The following GDAP1 variants were observed in gnomAD, a reference collection of about 807,000 sequenced individuals.
The protein encoded by GDAP1 is ganglioside induced differentiation associated protein 1, also known as ganglioside-induced differentiation-associated protein 1.
A neutral mutation model predicts 40.1 loss-of-function variants in GDAP1; 34 were observed. The ratio of observed to expected loss-of-function variants is 0.85; its 90% CI spans 0.64 to 1.13. The LOEUF is 1.13. Ranked by LOEUF, GDAP1 falls within the 50% of genes most tolerant of loss-of-function variation. GDAP1 has a pLI of 0.00. For missense variants in GDAP1, 374 were observed against 433.7 expected (o/e 0.86, Z 1.22); for synonymous variants, 170 against 157.4 (o/e 1.08, Z -0.60).
At chr8:74,419,469 C>G (rs931924821) in intron 2 of GDAP1, among the ~76,000 whole-genome samples, 3 of 152,094 alleles carry the variant, frequency 2.0e-5, no homozygotes, top group Admixed American at 6.5e-5. Context: ...AAAACTGTAG[C>G]AATGGAGAAC....
At chr8:74,410,055 G>A (rs575488126) in intron 2 of GDAP1, among the ~76,000 whole-genome samples, 13 of 150,040 alleles carry the variant, frequency 8.7e-5, no homozygotes, top group Non-Finnish European at 1.2e-4. Flanking sequence ...CCCCAGTTCT[G>A]TATAAGTGCA....
intron 2 of GDAP1, among the ~76,000 whole-genome samples, chr8:74,484,838 T>C (rs1007005072): frequency 3.9e-5 from 6 of 152,120 alleles, no homozygotes; most frequent in African/African-American, 1.4e-4. Context: ...ATTCCTTCTG[T>C]TTTATCCCCT....
In GDAP1 at chr8:74,401,903, G is replaced by A. The variant is rs894877753; in HGVS notation, c.165+50582G>A. Among the ~76,000 whole-genome samples the A allele has an allele frequency of 6.7e-5, 10 of 149,992 alleles. 2 individuals are homozygous for A. The highest frequency in any genetic ancestry group is 2.5e-4 in the African/African-American group (10 of 39,338). Reference sequence around the variant, plus strand: ...GAACCGCGAATGCTGCTGTCTGATCGTTCCTCTGTAAGTTTTGTCTCAGAG... The same window carrying A: ...GAACCGCGAATGCTGCTGTCTGATCATTCCTCTGTAAGTTTTGTCTCAGAG... On this transcript the variant is annotated intron_variant, in intron 2 of 2. Transcript: ENST00000523640.
intron 2 of GDAP1, among the ~76,000 whole-genome samples, chr8:74,387,948 TG>T (rs930703170): frequency 2.0e-5 from 3 of 152,090 alleles, no homozygotes; most frequent in East Asian, 1.9e-4. Flanking sequence ...ATTTCTTCTA[TG>T]TTTTTTAGTT....
intron 2 of GDAP1, among the ~76,000 whole-genome samples, chr8:74,464,573 C>T (rs1424771383): frequency 6.6e-6 from 1 of 152,204 alleles, no homozygotes; most frequent in East Asian, 1.9e-4. Context: ...GTTGTCCCTG[C>T]GTCCATCTAG....
chr8:74,442,409 T>C (rs2131572747), intron 2 of GDAP1, among the ~76,000 whole-genome samples: 1 of 152,364 alleles, frequency 6.6e-6, no homozygotes, highest in East Asian at 1.9e-4. Context: ...GATATTGAAC[T>C]TCCGACACTT....
In GDAP1 at chr8:74,410,940, G is replaced by T. The variant is rs187519488; in HGVS notation, c.165+59619G>T. 1.3e-5 allele frequency among the ~76,000 whole-genome samples: 2 copies of T among 150,290 alleles called. 1 individual carries two copies. The highest frequency in any genetic ancestry group is 1.3e-4 in the Admixed American group (2 of 15,244). ...TCATCTCAAATTGTAATCCCCATGT[G>T]TCAAGGGAGGGACCTGTAATCCCCA... On this transcript the variant is annotated intron_variant, in intron 2 of 2. Transcript: ENST00000523640.
At position 74,390,252 on chromosome 8, in the gene GDAP1, A is replaced by G. The variant is rs183858618; in HGVS notation, c.165+38931A>G. Among the ~76,000 whole-genome samples, 3 of 152,254 alleles carry G rather than the reference A, an allele frequency of 2.0e-5. No homozygotes were observed. In the East Asian group the frequency reaches 5.8e-4, roughly 29 times the overall value. ...GCAAGGAGTTGTGATCCTTTGGAGG[A>G]GTAGAGGCATTCTGGTTTTTGGAAT... On this transcript the variant is annotated intron_variant, in intron 2 of 2. Coordinates refer to the GDAP1 transcript ENST00000523640.
At chr8:74,367,502 C>CT (rs1378243243), downstream of GDAP1, among the ~76,000 whole-genome samples, 1 of 151,840 alleles carries the variant, frequency 6.6e-6, no homozygotes, top group African/African-American at 2.4e-5. Context: ...ACCTGAATAT[C>CT]TAACTTCGTA....
At chr8:74,414,332 G>T (rs1487780356) in intron 2 of GDAP1, among the ~76,000 whole-genome samples, 2 of 150,126 alleles carry the variant, frequency 1.3e-5, no homozygotes, top group Non-Finnish European at 2.9e-5. Flanking sequence ...GGATAATAAA[G>T]ATGTTGGAGT....
intron 2 of GDAP1, among the ~76,000 whole-genome samples, chr8:74,439,998 G>C (rs1375054604): frequency 6.6e-6 from 1 of 151,906 alleles, no homozygotes; most frequent in African/African-American, 2.4e-5. Flanking sequence ...GGAGTATCTA[G>C]TCAATAGCTA....
intron 2 of GDAP1, among the ~76,000 whole-genome samples, chr8:74,411,305 A>C (rs2131553923): frequency 6.7e-6 from 1 of 149,866 alleles, no homozygotes; most frequent in African/African-American, 2.6e-5. Context: ...ATCCTTAGAA[A>C]TATCACTCGT....
intron 2 of GDAP1, among the ~76,000 whole-genome samples, chr8:74,374,809 G>A (rs1265210273): frequency 6.6e-6 from 1 of 151,884 alleles, no homozygotes; most frequent in East Asian, 1.9e-4. Flanking sequence ...ATGGGAATTT[G>A]GAATAGCCAT....
intron 2 of GDAP1, among the ~76,000 whole-genome samples, chr8:74,464,489 G>A (rs985489581): frequency 6.6e-6 from 1 of 152,228 alleles, no homozygotes; most frequent in Non-Finnish European, 1.5e-5. Context: ...GAAGGGGCTA[G>A]GAAGGCTGGC....
chr8:74,480,180 G>A (rs2128721507), intron 2 of GDAP1, among the ~76,000 whole-genome samples: 1 of 151,964 alleles, frequency 6.6e-6, no homozygotes, highest in East Asian at 1.9e-4. Context: ...GGTAGAGATG[G>A]AGTTTCACCA....
intron 2 of GDAP1, among the ~76,000 whole-genome samples, chr8:74,374,874 A>T (rs1396961555): frequency 6.6e-6 from 1 of 152,224 alleles, no homozygotes; most frequent in Non-Finnish European, 1.5e-5. Flanking sequence ...TACAAAGAAG[A>T]TTCAAGGCCT....
chr8:74,450,488 T>A (rs1237910687), intron 2 of GDAP1, among the ~76,000 whole-genome samples: 1 of 151,934 alleles, frequency 6.6e-6, no homozygotes, highest in Admixed American at 6.6e-5. Context: ...GGTCTGTTAA[T>A]TTTTGTTTTA....
chr8:74,441,203 T>C (rs1165699553), intron 2 of GDAP1, among the ~76,000 whole-genome samples: 2 of 152,108 alleles, frequency 1.3e-5, no homozygotes, highest in Non-Finnish European at 2.9e-5. Context: ...AGATTTGTAG[T>C]GATTTAAAAA....
In GDAP1 at chr8:74,394,831, G is replaced by A. The variant is rs143435872; in HGVS notation, c.165+43510G>A. ...AGGGACCTGGAAATGGCAGCCCAAA[G>A]AAGACTCATACCTGGAGAGGGCCAT... On this transcript the variant is annotated intron_variant, in intron 2 of 2. Transcript: ENST00000523640. Among the ~76,000 whole-genome samples, 816 of 152,274 alleles carry A rather than the reference G, an allele frequency of 5.4e-3. 3 individuals are homozygous for A. The highest frequency in any genetic ancestry group is 0.02 in the Middle Eastern group (6 of 294).
Sources: allele counts gnomAD v4.1 joint callset (sites outside exome capture counted in the v4.1 genomes callset), GRCh38; gene constraint gnomAD v4.1.1; transcripts MANE v1.5; gene names NCBI Gene and HGNC (gene_info 2026-07-23, HGNC 2026-07-21).